Variants in PRRC2B observed in about 807,000 individuals in gnomAD.
PRRC2B encodes proline rich coiled-coil 2B, also known as protein PRRC2B.
In PRRC2B, 68 loss-of-function variants were observed where a neutral mutation model predicts 242.3. The ratio of observed to expected loss-of-function variants is 0.28; its 90% confidence interval spans 0.23 to 0.34. The LOEUF is 0.34. Among genes scored for constraint, PRRC2B ranks in the 10% least tolerant of loss-of-function variants. The probability of loss-of-function intolerance (pLI) is 1.00; values close to 1 mark genes in which losing one functional copy is unlikely to be tolerated. For missense variants in PRRC2B, 2,835 were observed against 2,954.8 expected (o/e 0.96, Z 0.94); for synonymous variants, 1,228 against 1,173.6 (o/e 1.05, Z -0.95).
chr9:131,440,503 G>A (rs1414051973), intron 5 of PRRC2B, among the ~76,000 whole-genome samples: 1 of 152,140 alleles, frequency 6.6e-6, no homozygotes, highest in Non-Finnish European at 1.5e-5. Flanking sequence ...TCCTATGGAA[G>A]CCAGTTTGGC....
chr9:131,400,687 C>T (rs2966334), intron 1 of PRRC2B, among the ~76,000 whole-genome samples: 111,267 of 152,012 alleles, frequency 0.73, 42,112 homozygotes, highest in East Asian at 0.91. Flanking sequence ...GCTGGGATTA[C>T]AGGCATGAGC....
chr9:131,377,097 T>G (rs1227296499), intron 1 of PRRC2B, among the ~76,000 whole-genome samples: 1 of 151,656 alleles, frequency 6.6e-6, no homozygotes, highest in Non-Finnish European at 1.5e-5. Context: ...TACATAACCT[T>G]TTCAATTATT....
intron 1 of PRRC2B, among the ~76,000 whole-genome samples, chr9:131,381,771 G>A (rs561274788): frequency 1.3e-4 from 19 of 151,700 alleles, no homozygotes; most frequent in East Asian, 3.9e-4. Context: ...GGACAGTCTC[G>A]CTCTGTCCCC....
chr9:131,469,668 G>GC (rs1247289704), intron 13 of PRRC2B, among the ~76,000 whole-genome samples: 11 of 152,360 alleles, frequency 7.2e-5, no homozygotes, highest in Non-Finnish European at 1.5e-4. Context: ...GGTGTCCTCA[G>GC]AGTGTGACGC....
intron 10 of PRRC2B, among the ~76,000 whole-genome samples, chr9:131,458,377 T>C (rs928678035): frequency 6.6e-6 from 1 of 152,054 alleles, no homozygotes. Flanking sequence ...GAGTGTCCAA[T>C]CTTTTGGCTT....
intron 19 of PRRC2B, 94 bp downstream of exon 19, chr9:131,479,487 A>G: frequency 4.1e-6 from 5 of 1,223,280 alleles, no homozygotes; most frequent in Non-Finnish European, 4.6e-6. Flanking sequence ...TGAGCTACGA[A>G]TATAGATGGA....
chr9:131,482,332 G>C lies in PRRC2B; in HGVS notation c.4984-39G>C. Reference sequence around the variant, plus strand: ...GTTTTACTCTCTGGATAATCGAGTTGGGAGTTTGAGGCTATAACCCATTTT... The same window carrying C: ...GTTTTACTCTCTGGATAATCGAGTTCGGAGTTTGAGGCTATAACCCATTTT... On this transcript the variant is annotated intron_variant, in intron 20 of 31. Transcript: ENST00000683519. This position sits in a 1 kb window ranked among gnomAD's most constrained non-coding sequence, Gnocchi z 5.2. The C allele has an allele frequency of 6.6e-7, 1 of 1,521,348 alleles. No individual in the cohort carries two copies. The allele number at this position is 1,521,348 out of a possible 1,614,324, so 94.2% of individuals were successfully genotyped here. A position where few individuals can be genotyped will look rare whatever the true frequency, so the allele number is the denominator to read the frequency against.
At chr9:131,452,350 C>G (rs2966369) in intron 9 of PRRC2B, among the ~76,000 whole-genome samples, 148,845 of 152,142 alleles carry the variant, frequency 0.98, 72,901 homozygotes, top group East Asian at 1. Flanking sequence ...TTTGCCCCTT[C>G]AGTTTTCATT....
At chr9:131,456,220 T>C (rs1197409256) in intron 10 of PRRC2B, among the ~76,000 whole-genome samples, 1 of 151,858 alleles carries the variant, frequency 6.6e-6, no homozygotes, top group Non-Finnish European at 1.5e-5. Context: ...TCTTTTTTTT[T>C]TTTTTTTTTT....
intron 12 of PRRC2B, 97 bp from the exon 13 acceptor site, chr9:131,467,466 G>T: frequency 4.6e-6 from 5 of 1,086,996 alleles, no homozygotes; most frequent in South Asian, 1.6e-5. Flanking sequence ...GCAGTGGAGC[G>T]TACGGGCCAA....
In PRRC2B at chr9:131,487,402, G is replaced by T; in HGVS notation, c.5984+108G>T. ...TTGGTGCTTGTCTGCTTTGGGGCCA[G>T]TGGGGCGGGGAGGGGTGGGAGTTTG... On this transcript the variant is annotated intron_variant, in intron 27 of 31. Transcript: ENST00000683519. The surrounding 1 kb of genome is among the most constrained non-coding windows in gnomAD (Gnocchi z 5.3). 24 of 861,064 alleles carry T rather than the reference G, an allele frequency of 2.8e-5. No homozygotes were observed. Among genetic ancestry groups the T allele is most frequent in the African/African-American group, 3.4e-5 (2 of 58,008 alleles). 53.3% of individuals were successfully genotyped at this position (861,064 alleles called of 1,614,324 possible). A position where few individuals can be genotyped will look rare whatever the true frequency, so the allele number is the denominator to read the frequency against.
At chr9:131,374,899 G>A (rs1047590948) in intron 1 of PRRC2B, among the ~76,000 whole-genome samples, 2 of 152,006 alleles carry the variant, frequency 1.3e-5, no homozygotes, top group Non-Finnish European at 2.9e-5. Flanking sequence ...CAGGGGACCA[G>A]CTTGCACCCT....
At chr9:131,455,234 A>G (rs1943038871) in intron 10 of PRRC2B, 68 bp downstream of exon 10, 2 of 1,132,180 alleles carry the variant, frequency 1.8e-6, no homozygotes, top group African/African-American at 1.6e-5. Context: ...TACCCAGAGC[A>G]TTTCCCAGTT....
At chr9:131,490,577 A>C in intron 28 of PRRC2B, 1 of 519,096 alleles carries the variant, frequency 1.9e-6, no homozygotes, top group South Asian at 1.4e-5. Flanking sequence ...AGAGACCAAA[A>C]GTGGCCCAGC....
intron 19 of PRRC2B, among the ~76,000 whole-genome samples, chr9:131,480,152 G>A (rs144411450): frequency 6.6e-6 from 1 of 152,308 alleles, no homozygotes; most frequent in African/African-American, 2.4e-5. Flanking sequence ...TTTCTGCAAA[G>A]CAGCTGAAGC....
intron 23 of PRRC2B, among the ~76,000 whole-genome samples, chr9:131,484,023 G>A (rs1180179166): frequency 6.6e-6 from 1 of 152,234 alleles, no homozygotes; most frequent in Non-Finnish European, 1.5e-5. Context: ...AGGATTCCAA[G>A]GAATGTGAGT....
chr9:131,492,886 C>T (rs990434560), intron 30 of PRRC2B, among the ~76,000 whole-genome samples: 6 of 152,326 alleles, frequency 3.9e-5, no homozygotes, highest in South Asian at 2.1e-4. Context: ...GAAGGCAGCA[C>T]GCTCTGGCCC....
intron 9 of PRRC2B, among the ~76,000 whole-genome samples, chr9:131,453,765 C>T (rs1942992972): frequency 3.3e-5 from 5 of 152,172 alleles, no homozygotes; most frequent in Admixed American, 3.3e-4. Flanking sequence ...TTCTGGGCCT[C>T]AAGTGATCCT....
At chr9:131,405,185 C>G (rs1176179345) in intron 1 of PRRC2B, among the ~76,000 whole-genome samples, 3 of 152,186 alleles carry the variant, frequency 2.0e-5, no homozygotes. Context: ...GACACAGCAG[C>G]TCCGTTCACA....
Sources: allele counts gnomAD v4.1 joint callset (sites outside exome capture counted in the v4.1 genomes callset), GRCh38; gene constraint gnomAD v4.1.1; non-coding constraint Gnocchi (gnomAD v3.1); transcripts MANE v1.5; gene names NCBI Gene and HGNC (gene_info 2026-07-23, HGNC 2026-07-21).